The following FBXW7 variants were observed in gnomAD, a reference collection of about 807,000 sequenced individuals.
FBXW7 encodes F-box and WD repeat domain containing 7, also known as F-box/WD repeat-containing protein 7.
Under a neutral mutation model 86.3 loss-of-function variants are expected in FBXW7, and 11 were observed. That is an observed-to-expected ratio of 0.13 (90% CI 0.08 to 0.21). FBXW7 has a LOEUF of 0.21. Ranked by LOEUF, FBXW7 falls within the 10% of genes least tolerant of loss-of-function variation. The pLI is 1.00. For missense variants in FBXW7, 488 were observed against 847.4 expected, an observed-to-expected ratio of 0.58 and a Z score of 5.27; for synonymous variants, 313 against 297.9, an observed-to-expected ratio of 1.05 and a Z score of -0.52.
chr4:152,412,658 T>C (rs1490728871), intron 2 of FBXW7, 129 bp from the exon 3 acceptor site: 1 of 151,972 alleles, frequency 6.6e-6, no homozygotes, highest in Admixed American at 6.6e-5. Context: ...TATAAAGGAA[T>C]CTATGAGATG....
At chr4:152,407,524 T>C (rs774386699) in intron 4 of FBXW7, among the ~76,000 whole-genome samples, 1 of 152,168 alleles carries the variant, frequency 6.6e-6, no homozygotes, top group Non-Finnish European at 1.5e-5. Flanking sequence ...TAGAGCCCTG[T>C]TATATTTCCA....
chr4:152,526,302 C>T (rs779677160), intron 2 of FBXW7, among the ~76,000 whole-genome samples: 3 of 152,060 alleles, frequency 2.0e-5, no homozygotes, highest in Non-Finnish European at 2.9e-5. Flanking sequence ...ATTCAATAAA[C>T]AGCCAATGAA....
intron 2 of FBXW7, among the ~76,000 whole-genome samples, chr4:152,445,527 G>A (rs1741290695): frequency 6.6e-6 from 1 of 152,182 alleles, no homozygotes; most frequent in South Asian, 2.1e-4. Flanking sequence ...ATTTTTAGGA[G>A]TTGTAGAACC....
chr4:152,336,993 T>A (rs1322117815), intron 7 of FBXW7, among the ~76,000 whole-genome samples: 1 of 152,040 alleles, frequency 6.6e-6, no homozygotes, highest in African/African-American at 2.4e-5. Context: ...GGCATATACA[T>A]ATTACTTATG....
At chr4:152,348,655 C>A in intron 5 of FBXW7, 11 of 914,994 alleles carry the variant, frequency 1.2e-5, no homozygotes, top group Non-Finnish European at 1.6e-5. Flanking sequence ...GCCTTAAAAA[C>A]AAGTGAACAA....
At chr4:152,334,099 T>C (rs996587915) in intron 7 of FBXW7, among the ~76,000 whole-genome samples, 11 of 152,122 alleles carry the variant, frequency 7.2e-5, no homozygotes, top group Non-Finnish European at 1.6e-4. Flanking sequence ...ATTAATTACA[T>C]ATGTATTGAG....
At chr4:152,333,703 C>T (rs1055025340) in intron 7 of FBXW7, among the ~76,000 whole-genome samples, 2 of 152,008 alleles carry the variant, frequency 1.3e-5, no homozygotes, top group Admixed American at 6.6e-5. Flanking sequence ...TTTTTTGATG[C>T]TAAATGTAAA....
In FBXW7 at chr4:152,535,650, G is replaced by C. The variant is rs1196406791; in HGVS notation, c.-736C>G. 7.6e-6 allele frequency: 3 copies of C among 396,448 alleles called. No homozygotes were observed. The Admixed American group carries it at 1.3e-4, about 18-fold the overall frequency. The allele number at this position is 396,448 out of a possible 1,614,324, so 24.6% of individuals were successfully genotyped here. On this transcript the variant is annotated 5_prime_UTR_variant, in exon 1 of 14. Coordinates refer to ENST00000281708, the MANE Select transcript of FBXW7 (RefSeq NM_001349798.2). ...CCCGCTCCCGGCTCCCGCATGTGTC[G>C]CTGCGGCTGGGACCCCCCTCCCTAC...
chr4:152,390,518 A>T (rs1007830593), intron 4 of FBXW7, among the ~76,000 whole-genome samples: 1 of 152,134 alleles, frequency 6.6e-6, no homozygotes, highest in South Asian at 2.1e-4. Context: ...AAAATGACAC[A>T]GTAATTACAG....
At chr4:152,477,701 A>G (rs1017313974) in intron 2 of FBXW7, among the ~76,000 whole-genome samples, 1 of 152,130 alleles carries the variant, frequency 6.6e-6, no homozygotes, top group Non-Finnish European at 1.5e-5. Context: ...TACTGTGCTG[A>G]GTTACTTGTC....
chr4:152,503,241 A>C (rs988983757), intron 2 of FBXW7, among the ~76,000 whole-genome samples: 1 of 152,206 alleles, frequency 6.6e-6, no homozygotes, highest in African/African-American at 2.4e-5. Context: ...CTTTAGCTTT[A>C]GATGAGCCAT....
chr4:152,535,848 G>T lies in FBXW7; in HGVS notation c.-934C>A, dbSNP rs1048633891. 7.7e-6 allele frequency: 3 copies of T among 388,740 alleles called. No homozygotes were observed. The Admixed American group carries it at 1.4e-4, about 17-fold the overall frequency. The allele number at this position is 388,740 out of a possible 1,614,324, so 24.1% of individuals were successfully genotyped here. A position where few individuals can be genotyped will look rare whatever the true frequency, so the allele number is the denominator to read the frequency against. Reference sequence around the variant, plus strand: ...GGGCTCCGGCTCTGGCTCCGGCTCCGGCGTGTGCAGCCGCCGCTGCCGGCC... The same window carrying T: ...GGGCTCCGGCTCTGGCTCCGGCTCCTGCGTGTGCAGCCGCCGCTGCCGGCC... On this transcript the variant is annotated 5_prime_UTR_variant, in exon 1 of 14. Coordinates refer to ENST00000281708, the MANE Select transcript of FBXW7 (RefSeq NM_001349798.2).
At chr4:152,350,301 T>C (rs1731680194) in intron 4 of FBXW7, among the ~76,000 whole-genome samples, 177 bp from the exon 5 acceptor site, 1 of 151,750 alleles carries the variant, frequency 6.6e-6, no homozygotes, top group South Asian at 2.1e-4. Flanking sequence ...TTACTCTGAA[T>C]GGAATGGAAA....
intron 4 of FBXW7, chr4:152,352,326 T>G: frequency 1.2e-6 from 1 of 863,144 alleles, no homozygotes; most frequent in Non-Finnish European, 1.8e-6. Flanking sequence ...TTGCTTACAT[T>G]CATGATATAA....
chr4:152,518,328 C>T (rs1748698522), intron 2 of FBXW7, among the ~76,000 whole-genome samples: 1 of 152,088 alleles, frequency 6.6e-6, no homozygotes, highest in Non-Finnish European at 1.5e-5. Context: ...CAGGGTCTTG[C>T]TCTCTCACCC....
At chr4:152,372,308 G>T (rs928115879) in intron 4 of FBXW7, among the ~76,000 whole-genome samples, 1 of 151,912 alleles carries the variant, frequency 6.6e-6, no homozygotes, top group Non-Finnish European at 1.5e-5. Flanking sequence ...TTTTTTATGA[G>T]TGGGTGACAG....
chr4:152,380,135 C>T (rs144199340), intron 4 of FBXW7, among the ~76,000 whole-genome samples: 8 of 152,160 alleles, frequency 5.3e-5, no homozygotes, highest in South Asian at 4.2e-4. Context: ...AGAATGTTTG[C>T]TTTGTGTGCT....
intron 4 of FBXW7, among the ~76,000 whole-genome samples, chr4:152,375,828 A>G (rs1734452401): frequency 6.6e-6 from 1 of 152,198 alleles, no homozygotes; most frequent in South Asian, 2.1e-4. Flanking sequence ...TCAAGAATCT[A>G]AAGAAGTTCA....
intron 4 of FBXW7, among the ~76,000 whole-genome samples, chr4:152,394,164 T>C (rs1378287409): frequency 6.6e-6 from 1 of 152,124 alleles, no homozygotes; most frequent in Non-Finnish European, 1.5e-5. Context: ...GCTTCATTTG[T>C]TTATAATCAT....
Sources: allele counts gnomAD v4.1 joint callset (sites outside exome capture counted in the v4.1 genomes callset), GRCh38; gene constraint gnomAD v4.1.1; transcripts MANE v1.5; gene names NCBI Gene and HGNC (gene_info 2026-07-23, HGNC 2026-07-21).